CDC73: variants seen among roughly 807,000 people sequenced by gnomAD.
CDC73 encodes the protein cell division cycle 73.
A neutral mutation model predicts 83.7 loss-of-function variants in CDC73; 21 were observed. The ratio of observed to expected loss-of-function variants is 0.25; its 90% CI spans 0.18 to 0.36. The LOEUF (loss-of-function observed/expected upper bound fraction) is 0.36, where lower values mean the gene tolerates loss of function less well. Ranked by LOEUF, CDC73 falls within the 10% of genes least tolerant of loss-of-function variation. The probability of loss-of-function intolerance (pLI) is 1.00; values close to 1 mark genes in which losing one functional copy is unlikely to be tolerated. For missense variants in CDC73, 342 were observed against 653.3 expected (o/e 0.52, Z 5.19); for synonymous variants, 224 against 212.9 (o/e 1.05, Z -0.45).
intron 13 of CDC73, among the ~76,000 whole-genome samples, chr1:193,226,412 C>T (rs78471450): frequency 1.3e-5 from 2 of 152,146 alleles, no homozygotes; most frequent in Non-Finnish European, 1.5e-5. Flanking sequence ...TCAGACAGAA[C>T]GCTTTAAACT....
intron 15 of CDC73, among the ~76,000 whole-genome samples, chr1:193,239,785 T>G (rs1482455018): frequency 6.6e-6 from 1 of 152,212 alleles, no homozygotes; most frequent in Non-Finnish European, 1.5e-5. Flanking sequence ...TAGAAATATA[T>G]AATACATTAT....
intron 13 of CDC73, among the ~76,000 whole-genome samples, chr1:193,224,042 T>A (rs1677517741): frequency 6.6e-6 from 1 of 152,068 alleles, no homozygotes; most frequent in African/African-American, 2.4e-5. Context: ...TGAAATATAC[T>A]GTAAATTATT....
intron 3 of CDC73, among the ~76,000 whole-genome samples, chr1:193,134,734 TA>T (rs761306715): frequency 2.6e-5 from 4 of 151,968 alleles, no homozygotes; most frequent in African/African-American, 4.8e-5. Flanking sequence ...AGTTGTTAGG[TA>T]AAAAAGAAAA....
intron 15 of CDC73, among the ~76,000 whole-genome samples, chr1:193,238,071 A>G (rs568036441): frequency 1.4e-3 from 219 of 152,350 alleles, no homozygotes; most frequent in Non-Finnish European, 2.3e-3. Flanking sequence ...TAAATGTTGT[A>G]TGAAATTCAT....
chr1:193,168,197 T>C lies in CDC73; in HGVS notation c.972+15753T>C, dbSNP rs142313561. Among the ~76,000 whole-genome samples the C allele has an allele frequency of 2.6e-3, 399 of 152,136 alleles. 2 individuals are homozygous for C. Among genetic ancestry groups the C allele is most frequent in the African/African-American group, 8.9e-3 (370 of 41,528 alleles). ...ATGTGATGAGTAGGTACCAGCCTCT[T>C]TTTGTTTTAATGTGGTGTAGGTACC... On this transcript the variant is annotated intron_variant, in intron 10 of 16. Coordinates refer to ENST00000367435, the MANE Select transcript of CDC73 (RefSeq NM_024529.5).
At chr1:193,232,459 C>T (rs1230415395) in intron 13 of CDC73, among the ~76,000 whole-genome samples, 2 of 150,644 alleles carry the variant, frequency 1.3e-5, no homozygotes, top group African/African-American at 4.9e-5. Flanking sequence ...CACACACATA[C>T]ACACACACAC....
chr1:193,163,896 A>T (rs1676387331), intron 10 of CDC73, among the ~76,000 whole-genome samples: 2 of 152,058 alleles, frequency 1.3e-5, no homozygotes, highest in Non-Finnish European at 2.9e-5. Context: ...CTCCTGCCTC[A>T]GTCTTCTGAG....
intron 7 of CDC73, among the ~76,000 whole-genome samples, chr1:193,147,282 G>A (rs1460698151): frequency 6.6e-6 from 1 of 151,802 alleles, no homozygotes; most frequent in Non-Finnish European, 1.5e-5. Context: ...ACGAGCCACC[G>A]TGCCCGGCCT....
At chr1:193,201,514 A>G (rs191567881) in intron 10 of CDC73, among the ~76,000 whole-genome samples, 2 of 152,184 alleles carry the variant, frequency 1.3e-5, no homozygotes, top group South Asian at 4.1e-4. Flanking sequence ...TCTGTAAAAA[A>G]TAATCCCAGA....
chr1:193,212,310 A>G (rs1295835581), intron 12 of CDC73, 80 bp from the exon 13 acceptor site: 2 of 970,534 alleles, frequency 2.1e-6, no homozygotes, highest in Non-Finnish European at 3.1e-6. Context: ...GTTACAATTT[A>G]TAATCTTTTA....
chr1:193,222,376 G>C (rs1326121934), intron 13 of CDC73, among the ~76,000 whole-genome samples: 1 of 152,182 alleles, frequency 6.6e-6, no homozygotes, highest in Admixed American at 6.5e-5. Context: ...GAAAGAAACA[G>C]GCAGAAAAAT....
chr1:193,203,105 A>T (rs997556691), intron 10 of CDC73, among the ~76,000 whole-genome samples: 2 of 152,136 alleles, frequency 1.3e-5, no homozygotes, highest in Non-Finnish European at 2.9e-5. Flanking sequence ...AACTTGCACT[A>T]AAAACAGACA....
In CDC73 at chr1:193,185,344, T is replaced by C. The variant is rs12026449; in HGVS notation, c.973-18451T>C. On this transcript the variant is annotated intron_variant, in intron 10 of 16. Coordinates refer to ENST00000367435, the MANE Select transcript of CDC73 (RefSeq NM_024529.5). ...AAAGTTCTATTCATGGTCACTATAA[T>C]AACACGAGGCTCTATTGTGGGGTTA... Among the ~76,000 whole-genome samples the C allele has an allele frequency of 5.3e-4, 81 of 152,246 alleles. No individual in the cohort carries two copies. In the East Asian group the frequency reaches 0.011, roughly 21 times the overall value.
intron 10 of CDC73, among the ~76,000 whole-genome samples, chr1:193,202,785 T>A (rs908996942): frequency 1.2e-4 from 19 of 152,062 alleles, no homozygotes; most frequent in Admixed American, 1.2e-3. Context: ...AGTCATTTAT[T>A]TTTTTAAAAA....
intron 13 of CDC73, among the ~76,000 whole-genome samples, chr1:193,231,421 CTT>C (rs1677661554): frequency 6.6e-6 from 1 of 152,156 alleles, no homozygotes; most frequent in Non-Finnish European, 1.5e-5. Context: ...TATTATAAAA[CTT>C]ATAGCACAAT....
intron 5 of CDC73, 75 bp from the exon 6 acceptor site, chr1:193,138,010 A>C: frequency 9.2e-7 from 1 of 1,083,432 alleles, no homozygotes; most frequent in Non-Finnish European, 1.4e-6. Context: ...TGGTAAGGAA[A>C]AGTTACATGT....
chr1:193,152,893 C>A (rs1339614617), intron 10 of CDC73, among the ~76,000 whole-genome samples: 1 of 152,160 alleles, frequency 6.6e-6, no homozygotes, highest in South Asian at 2.1e-4. Context: ...CATTCTCCTG[C>A]CTCAGCCTCT....
Position 193,252,449 on chromosome 1 carries a change from A to G in CDC73, c.*1737A>G, listed in dbSNP as rs1003920439. On this transcript the variant is annotated 3_prime_UTR_variant, in exon 17 of 17. Transcript: ENST00000367435. ...AAGTCAGTATGAACTACCTTCCCAT[A>G]AAGATTTTTGGTATTTGTACTTATT... 1 of 229,908 alleles carries G rather than the reference A, an allele frequency of 4.3e-6. No homozygotes were observed. 14.2% of individuals were successfully genotyped at this position (229,908 alleles called of 1,614,324 possible).
intron 11 of CDC73, among the ~76,000 whole-genome samples, chr1:193,204,215 A>ACATATATATACACATATATATACG (rs143608466): frequency 7.0e-6 from 1 of 143,678 alleles, no homozygotes; most frequent in African/African-American, 2.6e-5. Flanking sequence ...GTGTATATAT[A>ACATATATATACACATATATATACG]TGTATATATA....
Sources: allele counts gnomAD v4.1 joint callset (sites outside exome capture counted in the v4.1 genomes callset), GRCh38; gene constraint gnomAD v4.1.1; transcripts MANE v1.5; gene names NCBI Gene and HGNC (gene_info 2026-07-23, HGNC 2026-07-21).